GLRA3: variants seen among roughly 807,000 people sequenced by gnomAD.
GLRA3 encodes glycine receptor alpha 3, also known as glycine receptor subunit alpha-3.
GLRA3 carries 44 observed loss-of-function variants against 60.4 expected under a neutral mutation model. The observed-to-expected ratio is 0.73, with a 90% CI of 0.57 to 0.94. The LOEUF is 0.94. GLRA3 is among the 40% of genes least tolerant of loss of function. The probability of loss-of-function intolerance (pLI) is 0.00; values close to 1 mark genes in which losing one functional copy is unlikely to be tolerated. For synonymous variants in GLRA3, 223 were observed against 192.9 expected (o/e 1.16, Z -1.29); for missense variants, 508 against 564.6 (o/e 0.90, Z 1.02).
chr4:174,804,715 C>G (rs149312798), intron 1 of GLRA3, among the ~76,000 whole-genome samples: 20 of 152,270 alleles, frequency 1.3e-4, no homozygotes, highest in African/African-American at 4.3e-4. Flanking sequence ...AAGAGAATAG[C>G]TCTCTGCACA....
At chr4:174,699,901 AATTTGTTAAACTTAACAAAATT>A (rs1237274781) in intron 5 of GLRA3, among the ~76,000 whole-genome samples, 1 of 151,648 alleles carries the variant, frequency 6.6e-6, no homozygotes. Context: ...TTTAATTAAT[AATTTGTTAAACTTAACAAAATT>A]ATTTGTTAAA....
intron 1 of GLRA3, among the ~76,000 whole-genome samples, chr4:174,820,162 T>C (rs1324556674): frequency 6.6e-6 from 1 of 152,130 alleles, no homozygotes; most frequent in East Asian, 1.9e-4. Flanking sequence ...TTTAGATATT[T>C]TTTTCTAGAC....
chr4:174,825,277 AAT>A (rs1740922049), intron 1 of GLRA3, among the ~76,000 whole-genome samples: 1 of 152,110 alleles, frequency 6.6e-6, no homozygotes, highest in South Asian at 2.1e-4. Context: ...TACATAGAAA[AAT>A]AGAGACAACA....
intron 5 of GLRA3, among the ~76,000 whole-genome samples, chr4:174,690,381 T>C (rs915337955): frequency 2.0e-5 from 3 of 152,180 alleles, no homozygotes; most frequent in Non-Finnish European, 4.4e-5. Context: ...TTAAATAACC[T>C]CAGGAATGGA....
At position 174,642,565 on chromosome 4, in the gene GLRA3, T is replaced by C. The variant is rs1732652541; in HGVS notation, c.*1221A>G. ...AAAAACAAGTTACTAATGCTCTGTT[T>C]TTGTTGAAGTAATCCCATGGGGTCA... On this transcript the variant is annotated 3_prime_UTR_variant, in exon 10 of 10. Coordinates refer to ENST00000274093, the MANE Select transcript of GLRA3 (RefSeq NM_006529.4). 1 of 976,244 alleles carries C rather than the reference T, an allele frequency of 1.0e-6. No homozygotes were observed. The highest frequency in any genetic ancestry group is 1.8e-5 in the African/African-American group (1 of 57,076). The allele number at this position is 976,244 out of a possible 1,614,324, so 60.5% of individuals were successfully genotyped here.
chr4:174,822,533 A>G (rs528856839), intron 1 of GLRA3, among the ~76,000 whole-genome samples: 5 of 152,344 alleles, frequency 3.3e-5, no homozygotes, highest in African/African-American at 9.6e-5. Context: ...AGTCCTTATC[A>G]CTAGGAATTT....
intron 5 of GLRA3, among the ~76,000 whole-genome samples, chr4:174,689,446 T>C (rs537081998): frequency 6.6e-6 from 1 of 152,262 alleles, no homozygotes; most frequent in South Asian, 2.1e-4. Flanking sequence ...CATAAATTTA[T>C]GGAGTACAAG....
At chr4:174,791,029 A>T (rs1391347869) in intron 1 of GLRA3, among the ~76,000 whole-genome samples, 1 of 151,148 alleles carries the variant, frequency 6.6e-6, no homozygotes, top group African/African-American at 2.4e-5. Context: ...ATACTAGATG[A>T]CTATGTATAC....
At chr4:174,738,076 G>T (rs931543231) in intron 3 of GLRA3, among the ~76,000 whole-genome samples, 2 of 152,184 alleles carry the variant, frequency 1.3e-5, no homozygotes, top group Non-Finnish European at 2.9e-5. Context: ...TTACATAGTT[G>T]TTTATTGATT....
intron 1 of GLRA3, among the ~76,000 whole-genome samples, chr4:174,819,591 G>GT (rs1350865236): frequency 2.0e-5 from 3 of 152,146 alleles, no homozygotes; most frequent in East Asian, 1.9e-4. Flanking sequence ...AGAAAAAAAT[G>GT]TTTTTTCTCA....
Position 174,710,609 on chromosome 4 carries a change from C to T in GLRA3, c.574+4879G>A, listed in dbSNP as rs183084890. ...TAACAAAGTTAGCTCTTTACGCGGA[C>T]GTTTTTCCCCCAGTCTTCCTTCTTG... On this transcript the variant is annotated intron_variant, in intron 5 of 9. Transcript: ENST00000274093. 1.3e-4 allele frequency among the ~76,000 whole-genome samples: 20 copies of T among 152,168 alleles called. No homozygotes were observed. The East Asian group carries it at 1.3e-3, about 10-fold the overall frequency.
At chr4:174,674,544 C>T (rs1171891375) in intron 7 of GLRA3, among the ~76,000 whole-genome samples, 5 of 152,202 alleles carry the variant, frequency 3.3e-5, no homozygotes, top group Admixed American at 1.3e-4. Context: ...GGCTAAAGTA[C>T]ATTCTTTGAG....
At chr4:174,656,331 A>T (rs547992124) in intron 9 of GLRA3, among the ~76,000 whole-genome samples, 2 of 152,250 alleles carry the variant, frequency 1.3e-5, no homozygotes, top group South Asian at 4.1e-4. Context: ...CCTTATTTTG[A>T]GGTCTCTTGT....
intron 7 of GLRA3, among the ~76,000 whole-genome samples, chr4:174,661,196 T>C (rs1733422282): frequency 6.6e-6 from 1 of 152,092 alleles, no homozygotes; most frequent in Non-Finnish European, 1.5e-5. Context: ...CACACACACA[T>C]AAAATGTAGC....
At chr4:174,676,318 GA>G (rs1199323841) in intron 7 of GLRA3, among the ~76,000 whole-genome samples, 1 of 149,884 alleles carries the variant, frequency 6.7e-6, no homozygotes, top group East Asian at 1.9e-4. Flanking sequence ...GCAAAAGGGA[GA>G]AAAAAACACA....
chr4:174,755,826 C>T (rs1021141621), intron 3 of GLRA3, among the ~76,000 whole-genome samples: 1 of 151,954 alleles, frequency 6.6e-6, no homozygotes, highest in African/African-American at 2.4e-5. Context: ...AGAAGATAAA[C>T]ATTAATTATA....
chr4:174,682,178 A>G (rs1406741665), intron 6 of GLRA3, among the ~76,000 whole-genome samples: 1 of 152,184 alleles, frequency 6.6e-6, no homozygotes, highest in Non-Finnish European at 1.5e-5. Flanking sequence ...AACTGTATGT[A>G]TACATTCTAA....
intron 2 of GLRA3, among the ~76,000 whole-genome samples, chr4:174,768,027 T>C (rs146063108): frequency 5.7e-4 from 86 of 152,138 alleles, no homozygotes; most frequent in Non-Finnish European, 1.0e-3. Context: ...AGATAGAAAT[T>C]TTTCCCACCA....
At chr4:174,690,167 T>C (rs778708615) in intron 5 of GLRA3, among the ~76,000 whole-genome samples, 6 of 152,178 alleles carry the variant, frequency 3.9e-5, no homozygotes, top group Non-Finnish European at 8.8e-5. Context: ...ACTTAGAAGT[T>C]ATTTAAACAC....
Sources: gnomAD v4.1 joint callset for allele counts (sites outside exome capture counted in the v4.1 genomes callset) on GRCh38, gnomAD v4.1.1 for gene constraint, MANE v1.5 for transcripts, NCBI Gene and HGNC (gene_info 2026-07-23, HGNC 2026-07-21) for gene names.